ANGPT4: variants seen among roughly 807,000 people sequenced by gnomAD.
ANGPT4 encodes angiopoietin 4, also known as angiopoietin-4.
In ANGPT4, 50 loss-of-function variants were observed where a neutral mutation model predicts 53.0. The observed-to-expected ratio is 0.94, with a 90% CI of 0.75 to 1.20. ANGPT4 has a LOEUF of 1.20. Ranked by LOEUF, ANGPT4 falls within the 50% of genes most tolerant of loss-of-function variation. The pLI, the probability that ANGPT4 is intolerant of heterozygous loss-of-function variation, is 0.00. For missense variants in ANGPT4, 648 were observed against 637.1 expected, an observed-to-expected ratio of 1.02 and a Z score of -0.18; for synonymous variants, 251 against 259.7, an observed-to-expected ratio of 0.97 and a Z score of 0.32.
intron 1 of ANGPT4, among the ~76,000 whole-genome samples, chr20:901,338 C>G (rs774560511): frequency 2.6e-5 from 4 of 152,252 alleles, no homozygotes; most frequent in Non-Finnish European, 2.9e-5. Flanking sequence ...ATGACATTAC[C>G]TTGTGACATT....
chr20:915,338 A>G (rs975738500), intron 1 of ANGPT4, among the ~76,000 whole-genome samples: 9 of 151,754 alleles, frequency 5.9e-5, no homozygotes, highest in Non-Finnish European at 1.2e-4. Flanking sequence ...TTCTCCAGGC[A>G]CACACCGCTG....
chr20:898,997 C>T (rs780190997), intron 1 of ANGPT4, among the ~76,000 whole-genome samples: 3 of 152,200 alleles, frequency 2.0e-5, no homozygotes, highest in Non-Finnish European at 2.9e-5. Flanking sequence ...CTTCCCAGAT[C>T]TTCTCTTCTT....
intron 3 of ANGPT4, among the ~76,000 whole-genome samples, chr20:886,893 T>C (rs1287800605): frequency 6.6e-6 from 1 of 152,242 alleles, no homozygotes; most frequent in Non-Finnish European, 1.5e-5. Flanking sequence ...TAAGAAACCC[T>C]GGAATGTCAG....
At chr20:873,367 G>A (rs569793085) in intron 8 of ANGPT4, among the ~76,000 whole-genome samples, 7 of 152,154 alleles carry the variant, frequency 4.6e-5, no homozygotes, top group African/African-American at 1.4e-4. Flanking sequence ...TGCTCCTCCC[G>A]GCCTTCTCCC....
intron 1 of ANGPT4, among the ~76,000 whole-genome samples, chr20:906,213 T>C (rs976165): frequency 0.29 from 43,679 of 152,062 alleles, 6,595 homozygotes; most frequent in East Asian, 0.47. Context: ...ACCACACGCT[T>C]TAGAGGAAGT....
chr20:885,383 C>A lies in ANGPT4; in HGVS notation c.588-58G>T, dbSNP rs530585551. On this transcript the variant is annotated intron_variant, in intron 3 of 8. Transcript: ENST00000381922. ...GGCATCCTCGCGAAGCACGCACCCC[C>A]GCGCGCCTCCCCGGCCCTGGAGTCC... 45 of 1,457,924 alleles carry A rather than the reference C, an allele frequency of 3.1e-5. No homozygotes were observed. The South Asian group carries it at 6.1e-4, about 20-fold the overall frequency. The allele number at this position is 1,457,924 out of a possible 1,614,324, so 90.3% of individuals were successfully genotyped here. A position where few individuals can be genotyped will look rare whatever the true frequency, so the allele number is the denominator to read the frequency against.
chr20:878,999 C>A (rs1445559751), intron 6 of ANGPT4, among the ~76,000 whole-genome samples: 5 of 152,194 alleles, frequency 3.3e-5, no homozygotes, highest in Non-Finnish European at 7.3e-5. Flanking sequence ...TGCGGGTTAG[C>A]CTGATGGTTA....
intron 1 of ANGPT4, among the ~76,000 whole-genome samples, chr20:912,356 A>G (rs1982736345): frequency 6.6e-6 from 1 of 152,166 alleles, no homozygotes; most frequent in African/African-American, 2.4e-5. Flanking sequence ...CTGAGAGGGA[A>G]GGGCCAGCAC....
intron 1 of ANGPT4, among the ~76,000 whole-genome samples, chr20:903,624 G>C (rs1010798823): frequency 6.6e-6 from 1 of 152,230 alleles, no homozygotes; most frequent in Non-Finnish European, 1.5e-5. Flanking sequence ...CTTTAGTGAA[G>C]AACAAAATTC....
Position 911,476 on chromosome 20 carries a change from G to A in ANGPT4, c.309+4430C>T, listed in dbSNP as rs1424691938. Reference sequence around the variant, plus strand: ...GACACTCGGGGAGGTAGAGGTGGGAGGGATGGCCTTGGGGTGAGAAAAGGA... The same window carrying A: ...GACACTCGGGGAGGTAGAGGTGGGAAGGATGGCCTTGGGGTGAGAAAAGGA... On this transcript the variant is annotated intron_variant, in intron 1 of 8. Transcript: ENST00000381922. This position sits in a 1 kb window ranked among gnomAD's most constrained non-coding sequence, Gnocchi z 4.9. 1.3e-5 allele frequency among the ~76,000 whole-genome samples: 2 copies of A among 152,176 alleles called. No individual in the cohort carries two copies. Among genetic ancestry groups the A allele is most frequent in the African/African-American group, 2.4e-5 (1 of 41,428 alleles).
In ANGPT4 at chr20:880,084, T is replaced by C. The variant is rs551710096; in HGVS notation, c.952-236A>G. On this transcript the variant is annotated intron_variant, in intron 5 of 8. Transcript: ENST00000381922. ...TTCCTCTCATTTGTAAAATGGAGATTCATACCTTAACCTCTTTGTGCCTCA... is the reference window on the plus strand; with the variant it reads ...TTCCTCTCATTTGTAAAATGGAGATCCATACCTTAACCTCTTTGTGCCTCA... Among the ~76,000 whole-genome samples the C allele has an allele frequency of 3.3e-5, 5 of 152,354 alleles. No individual in the cohort carries two copies. The East Asian group carries it at 9.6e-4, about 29-fold the overall frequency.
chr20:885,358 G>A (rs767992580), intron 3 of ANGPT4, 33 bp from the exon 4 acceptor site: 2 of 1,517,514 alleles, frequency 1.3e-6, no homozygotes. Flanking sequence ...AGGTGAGCCT[G>A]GCATCCTCGC....
At chr20:877,848 ACCT>A (rs1981227051) in intron 7 of ANGPT4, among the ~76,000 whole-genome samples, 1 of 152,042 alleles carries the variant, frequency 6.6e-6, no homozygotes, top group Non-Finnish European at 1.5e-5. Flanking sequence ...TGGGCAAGTC[ACCT>A]CCTTTTGCTT....
At chr20:912,292 A>G (rs1267837982) in intron 1 of ANGPT4, among the ~76,000 whole-genome samples, 1 of 152,172 alleles carries the variant, frequency 6.6e-6, no homozygotes, top group African/African-American at 2.4e-5. Flanking sequence ...TTGACCCCAC[A>G]TCAAAGGTCA....
chr20:912,510 A>C (rs182114152), intron 1 of ANGPT4, among the ~76,000 whole-genome samples: 30 of 152,196 alleles, frequency 2.0e-4, no homozygotes, highest in Non-Finnish European at 3.1e-4. Context: ...TCTCATCCAT[A>C]TGAGCGGGGT....
At chr20:878,054 C>T in intron 7 of ANGPT4, 107 bp downstream of exon 7, 1 of 1,303,688 alleles carries the variant, frequency 7.7e-7, no homozygotes, top group Middle Eastern at 2.8e-4. Context: ...AGGAGACACC[C>T]AGAGACTGAC....
chr20:910,603 C>A (rs1982658557), intron 1 of ANGPT4, among the ~76,000 whole-genome samples: 1 of 152,138 alleles, frequency 6.6e-6, no homozygotes, highest in Admixed American at 6.5e-5. Flanking sequence ...GCTTAGGGGG[C>A]AGACCTGGGG....
intron 4 of ANGPT4, among the ~76,000 whole-genome samples, chr20:882,158 TC>T (rs1981433716): frequency 6.6e-6 from 1 of 152,176 alleles, no homozygotes; most frequent in Non-Finnish European, 1.5e-5. Flanking sequence ...CCCTGTTTCT[TC>T]CCTCTGGACT....
At chr20:882,206 C>T (rs916929140) in intron 4 of ANGPT4, among the ~76,000 whole-genome samples, 7 of 152,146 alleles carry the variant, frequency 4.6e-5, no homozygotes, top group Admixed American at 4.6e-4. Flanking sequence ...CTAAAACCTA[C>T]CAGGGGTTTC....
Sources: gnomAD v4.1 joint callset for allele counts (sites outside exome capture counted in the v4.1 genomes callset) on GRCh38, gnomAD v4.1.1 for gene constraint, Gnocchi (gnomAD v3.1) non-coding constraint, MANE v1.5 for transcripts, NCBI Gene and HGNC (gene_info 2026-07-23, HGNC 2026-07-21) for gene names.